The following CWC27 variants were observed in gnomAD, a reference collection of about 807,000 sequenced individuals.
The protein encoded by CWC27 is spliceosome-associated protein CWC27 homolog.
A neutral mutation model predicts 63.6 loss-of-function variants in CWC27; 47 were observed. The observed-to-expected ratio is 0.74, with a 90% confidence interval of 0.58 to 0.94. The LOEUF (loss-of-function observed/expected upper bound fraction) is 0.94. Among genes scored for constraint, CWC27 ranks in the 40% least tolerant of loss-of-function variants. CWC27 has a pLI of 0.00. For missense variants in CWC27, 495 were observed against 554.3 expected (o/e 0.89, Z 1.07); for synonymous variants, 175 against 179.8 (o/e 0.97, Z 0.22).
At chr5:64,858,761 G>A (rs528238172) in intron 10 of CWC27, among the ~76,000 whole-genome samples, 1 of 152,188 alleles carries the variant, frequency 6.6e-6, no homozygotes, top group Admixed American at 6.5e-5. Context: ...TGTTAGCAAG[G>A]ATGTAGGGAA....
chr5:64,844,814 G>A (rs1033063116), intron 10 of CWC27: 8 of 440,814 alleles, frequency 1.8e-5, no homozygotes, highest in South Asian at 1.1e-4. Flanking sequence ...CAGTCAAACA[G>A]CCACTCAACT....
At chr5:64,877,043 A>G (rs1746809551) in intron 10 of CWC27, among the ~76,000 whole-genome samples, 1 of 152,020 alleles carries the variant, frequency 6.6e-6, no homozygotes, top group African/African-American at 2.4e-5. Context: ...GAAGATATTC[A>G]GCTTAAATCC....
intron 10 of CWC27, among the ~76,000 whole-genome samples, chr5:64,839,455 A>T (rs1490899844): frequency 6.6e-6 from 1 of 152,214 alleles, no homozygotes. Flanking sequence ...GAACAAGGAA[A>T]GCTTAATGGA....
chr5:64,992,826 C>T (rs1205824559), intron 13 of CWC27, among the ~76,000 whole-genome samples: 1 of 152,074 alleles, frequency 6.6e-6, no homozygotes, highest in Non-Finnish European at 1.5e-5. Flanking sequence ...AGCCACTGCA[C>T]CCTGCCACTT....
intron 13 of CWC27, among the ~76,000 whole-genome samples, chr5:64,979,557 T>A (rs1420495290): frequency 6.6e-6 from 1 of 152,220 alleles, no homozygotes; most frequent in Admixed American, 6.5e-5. Context: ...ATAAAGTATA[T>A]TCTTCTCAGG....
intron 11 of CWC27, among the ~76,000 whole-genome samples, chr5:64,922,195 C>T (rs925842620): frequency 6.6e-6 from 1 of 152,188 alleles, no homozygotes; most frequent in African/African-American, 2.4e-5. Context: ...AGATTGGAAA[C>T]ATTTTCATGG....
chr5:64,987,629 G>A (rs911115684), intron 13 of CWC27, among the ~76,000 whole-genome samples: 5 of 152,036 alleles, frequency 3.3e-5, no homozygotes, highest in Admixed American at 3.3e-4. Flanking sequence ...AGATCTACTG[G>A]CCACAGATTA....
intron 3 of CWC27, among the ~76,000 whole-genome samples, chr5:64,783,150 A>G (rs1018121276): frequency 2.0e-5 from 3 of 152,218 alleles, no homozygotes; most frequent in South Asian, 2.1e-4. Context: ...TGTGAAAAGC[A>G]TTTATGATAT....
At chr5:64,809,995 G>T (rs11740854) in intron 10 of CWC27, among the ~76,000 whole-genome samples, 60,952 of 151,400 alleles carry the variant, frequency 0.4, 13,576 homozygotes, top group African/African-American at 0.59. Context: ...GGCTATTCCC[G>T]CCTCTTTTTT....
At chr5:64,850,127 G>T (rs949274182) in intron 10 of CWC27, among the ~76,000 whole-genome samples, 4 of 151,118 alleles carry the variant, frequency 2.6e-5, no homozygotes, top group Non-Finnish European at 5.9e-5. Context: ...AGGCAATTAT[G>T]AGCAGAGAGA....
chr5:65,010,998 G>A (rs1749944747), intron 13 of CWC27, among the ~76,000 whole-genome samples: 1 of 152,192 alleles, frequency 6.6e-6, no homozygotes, highest in South Asian at 2.1e-4. Context: ...CACATTTATT[G>A]AGGGCATTCT....
At chr5:64,942,891 T>C (rs927989874) in intron 11 of CWC27, among the ~76,000 whole-genome samples, 2 of 152,238 alleles carry the variant, frequency 1.3e-5, no homozygotes, top group African/African-American at 4.8e-5. Flanking sequence ...GTAAATACTT[T>C]ATCTTCTGTT....
At chr5:64,905,878 T>C (rs1398971576) in intron 11 of CWC27, among the ~76,000 whole-genome samples, 1 of 152,178 alleles carries the variant, frequency 6.6e-6, no homozygotes, top group Non-Finnish European at 1.5e-5. Flanking sequence ...CCGCCCTGTG[T>C]CCAAGTGTTC....
intron 10 of CWC27, among the ~76,000 whole-genome samples, chr5:64,838,288 A>C (rs952654432): frequency 6.6e-6 from 1 of 152,140 alleles, no homozygotes; most frequent in Non-Finnish European, 1.5e-5. Context: ...TTTAGAAGTA[A>C]AGTCAGAGTT....
chr5:65,003,368 C>T (rs1406812426), intron 13 of CWC27, among the ~76,000 whole-genome samples: 1 of 152,112 alleles, frequency 6.6e-6, no homozygotes, highest in Middle Eastern at 3.2e-3. Flanking sequence ...CTCCTCTCTT[C>T]GTTTTTTATT....
intron 13 of CWC27, among the ~76,000 whole-genome samples, chr5:64,984,990 G>A (rs926329591): frequency 6.6e-6 from 1 of 152,104 alleles, no homozygotes; most frequent in Admixed American, 6.6e-5. Flanking sequence ...TTTAGGTTAA[G>A]GTTCATTTTC....
chr5:64,942,252 C>G (rs1748497702), intron 11 of CWC27, among the ~76,000 whole-genome samples: 1 of 151,162 alleles, frequency 6.6e-6, no homozygotes, highest in South Asian at 2.1e-4. Context: ...TAGTAAGACC[C>G]CCGTCTCTAC....
intron 10 of CWC27, among the ~76,000 whole-genome samples, chr5:64,857,876 G>C (rs935029591): frequency 6.6e-6 from 1 of 152,110 alleles, no homozygotes; most frequent in East Asian, 1.9e-4. Context: ...GGTGGCTCAC[G>C]CTTGTAATCC....
chr5:64,945,162 CCTTCTCAATGAGACTTTCTTTGACCA>C (rs1454517850), intron 11 of CWC27, among the ~76,000 whole-genome samples: 7 of 152,144 alleles, frequency 4.6e-5, no homozygotes, highest in Non-Finnish European at 1.0e-4. Context: ...CCAAATGTCA[CCTTCTCAATGAGACTTTCTTTGACCA>C]CTTCTACCTG....
Sources: gnomAD v4.1 joint callset for allele counts (sites outside exome capture counted in the v4.1 genomes callset) on GRCh38, gnomAD v4.1.1 for gene constraint, MANE v1.5 for transcripts, NCBI Gene and HGNC (gene_info 2026-07-23, HGNC 2026-07-21) for gene names.